The following FMN1 variants were observed in gnomAD, a reference collection of about 807,000 sequenced individuals.
The protein encoded by FMN1 is formin 1.
In FMN1, 110 loss-of-function variants were observed where a neutral mutation model predicts 132.4. The ratio of observed to expected loss-of-function variants is 0.83; its 90% confidence interval spans 0.71 to 0.97. FMN1 has a LOEUF of 0.97. FMN1 is among the 50% of genes least tolerant of loss of function. FMN1 has a pLI of 0.00. For synonymous variants in FMN1, 722 were observed against 651.7 expected (o/e 1.11, Z -1.64); for missense variants, 1,792 against 1,705.3 (o/e 1.05, Z -0.90).
At chr15:32,881,999 G>A (rs914793844) in intron 16 of FMN1, among the ~76,000 whole-genome samples, 1 of 152,140 alleles carries the variant, frequency 6.6e-6, no homozygotes, top group African/African-American at 2.4e-5. Context: ...ACAGAGGCTA[G>A]GTCAATGTCA....
In FMN1 at chr15:32,798,787, C is replaced by A. The variant is rs1567183882; in HGVS notation, c.4130+17G>T. 1.2e-6 allele frequency: 2 copies of A among 1,603,244 alleles called. No individual in the cohort carries two copies. ...AGGCTCCTGAAGGAGGCATTAAAAT[C>A]TTTTTTTGAACCTTACCTTTCTTTA... On this transcript the variant is annotated intron_variant, in intron 19 of 20. Transcript: ENST00000616417.
intron 19 of FMN1, among the ~76,000 whole-genome samples, chr15:32,792,222 G>A (rs931229464): frequency 1.3e-5 from 2 of 148,550 alleles, no homozygotes; most frequent in Non-Finnish European, 3.0e-5. Flanking sequence ...GGCAGATCAC[G>A]AGGTCAGGAG....
At chr15:32,848,863 A>G (rs2058925239) in intron 17 of FMN1, among the ~76,000 whole-genome samples, 1 of 152,106 alleles carries the variant, frequency 6.6e-6, no homozygotes, top group South Asian at 2.1e-4. Context: ...TAGTTTTAGG[A>G]GTAATAGTCT....
rs139475102 is a variant in FMN1, at chr15:33,040,069, C to T, written c.2161+24888G>A. ...CTCCCTCCCCATGGAAGACGTGGCACCATCCCAATCTACAGGCATAATGCC... is the reference window on the plus strand; with the variant it reads ...CTCCCTCCCCATGGAAGACGTGGCATCATCCCAATCTACAGGCATAATGCC... On this transcript the variant is annotated intron_variant, in intron 6 of 20. Coordinates refer to ENST00000616417, the MANE Select transcript of FMN1 (RefSeq NM_001277313.2). 5.0e-3 allele frequency among the ~76,000 whole-genome samples: 764 copies of T among 152,292 alleles called. 28 individuals carry two copies. The highest frequency in any genetic ancestry group is 0.043 in the Admixed American group (663 of 15,294).
chr15:33,048,699 A>G (rs1477742415), intron 6 of FMN1, among the ~76,000 whole-genome samples: 2 of 150,416 alleles, frequency 1.3e-5, no homozygotes, highest in Non-Finnish European at 3.0e-5. Context: ...AGGCCTCACA[A>G]TCATGACAAA....
chr15:33,061,515 C>T (rs563179784), intron 6 of FMN1, among the ~76,000 whole-genome samples: 172 of 151,972 alleles, frequency 1.1e-3, no homozygotes, highest in African/African-American at 3.8e-3. Context: ...TTATAAGACA[C>T]GCTCCTCGTG....
At chr15:32,954,626 C>A (rs1012650152) in intron 9 of FMN1, among the ~76,000 whole-genome samples, 1 of 152,142 alleles carries the variant, frequency 6.6e-6, no homozygotes, top group Non-Finnish European at 1.5e-5. Flanking sequence ...TATACAATGA[C>A]CAAAAAATAA....
chr15:32,848,708 T>C (rs117722915), intron 17 of FMN1, among the ~76,000 whole-genome samples: 24 of 152,322 alleles, frequency 1.6e-4, no homozygotes, highest in East Asian at 3.9e-4. Flanking sequence ...CGAAGTACTA[T>C]AGAAAATTGT....
intron 7 of FMN1, among the ~76,000 whole-genome samples, chr15:32,997,780 C>T (rs2140892992): frequency 6.6e-6 from 1 of 152,290 alleles, no homozygotes; most frequent in African/African-American, 2.4e-5. Context: ...CTTTCACTTA[C>T]ACTTCCAAAG....
intron 5 of FMN1, among the ~76,000 whole-genome samples, chr15:33,069,993 C>CTTTTTTTTT (rs1171369156): frequency 1.3e-4 from 10 of 74,290 alleles, no homozygotes; most frequent in Non-Finnish European, 2.2e-4. Flanking sequence ...CAGTCTTTCT[C>CTTTTTTTTT]TTTTTTTTTT....
intron 4 of FMN1, among the ~76,000 whole-genome samples, chr15:33,128,251 C>T (rs1019345437): frequency 2.6e-5 from 4 of 151,478 alleles, no homozygotes; most frequent in Non-Finnish European, 5.9e-5. Context: ...TTCCAACACC[C>T]TCAGAGAGCA....
chr15:33,077,637 C>G (rs954420076), intron 5 of FMN1, among the ~76,000 whole-genome samples: 1 of 151,670 alleles, frequency 6.6e-6, no homozygotes, highest in Non-Finnish European at 1.5e-5. Flanking sequence ...CTCCTTGCAA[C>G]AGTTTGCTGA....
intron 11 of FMN1, 149 bp downstream of exon 11, chr15:32,910,325 T>G: frequency 1.6e-6 from 1 of 630,994 alleles, no homozygotes; most frequent in Non-Finnish European, 2.8e-6. Flanking sequence ...GCTTCTCACA[T>G]CCACTCCCAT....
intron 5 of FMN1, among the ~76,000 whole-genome samples, chr15:33,084,659 T>G (rs2038619450): frequency 6.6e-6 from 1 of 152,128 alleles, no homozygotes; most frequent in Admixed American, 6.5e-5. Flanking sequence ...TCATTTAGTT[T>G]GTTAAATAGA....
intron 4 of FMN1, among the ~76,000 whole-genome samples, chr15:33,114,515 C>T (rs2039836203): frequency 6.6e-6 from 1 of 152,228 alleles, no homozygotes; most frequent in African/African-American, 2.4e-5. Flanking sequence ...AGAAACAAGT[C>T]ATTGTCGATC....
intron 4 of FMN1, among the ~76,000 whole-genome samples, chr15:33,121,759 C>T (rs1181462669): frequency 6.6e-6 from 1 of 152,044 alleles, no homozygotes; most frequent in Non-Finnish European, 1.5e-5. Context: ...AATCTCCTGA[C>T]CCCTCAAGTG....
intron 4 of FMN1, among the ~76,000 whole-genome samples, chr15:33,121,025 T>G (rs1191057242): frequency 6.6e-6 from 1 of 152,204 alleles, no homozygotes; most frequent in African/African-American, 2.4e-5. Flanking sequence ...GATAGTACTC[T>G]GCCTTCATTC....
intron 17 of FMN1, among the ~76,000 whole-genome samples, chr15:32,843,185 G>C (rs1398809401): frequency 6.1e-5 from 9 of 148,042 alleles, no homozygotes; most frequent in African/African-American, 2.0e-4. Flanking sequence ...ACTCAGATTT[G>C]TGCAATTCTA....
intron 6 of FMN1, among the ~76,000 whole-genome samples, chr15:33,018,636 C>G (rs1378679393): frequency 1.3e-5 from 2 of 152,170 alleles, no homozygotes; most frequent in African/African-American, 2.4e-5. Context: ...ATCCTTTGTA[C>G]CATTGTGTCC....
Sources: gnomAD v4.1 joint callset for allele counts (sites outside exome capture counted in the v4.1 genomes callset) on GRCh38, gnomAD v4.1.1 for gene constraint, MANE v1.5 for transcripts, NCBI Gene and HGNC (gene_info 2026-07-23, HGNC 2026-07-21) for gene names.